SHTN1: variants seen among roughly 807,000 people sequenced by gnomAD.
SHTN1 encodes the protein shootin 1, also known as shootin-1.
A neutral mutation model predicts 83.1 loss-of-function variants in SHTN1; 42 were observed. The observed-to-expected ratio is 0.51, with a 90% CI of 0.39 to 0.65. The LOEUF (loss-of-function observed/expected upper bound fraction) is 0.65. Among genes scored for constraint, SHTN1 ranks in the 30% least tolerant of loss-of-function variants. The probability of loss-of-function intolerance (pLI) is 0.00; values close to 1 mark genes in which losing one functional copy is unlikely to be tolerated. For synonymous variants in SHTN1, 224 were observed against 247.7 expected (o/e 0.90, Z 0.90); for missense variants, 622 against 737.8 (o/e 0.84, Z 1.82).
rs1052671343 is a variant in SHTN1, at chr10:116,904,450, C to A, written c.1480+2177G>T. ...TTTGTTTCCTTCCTTTTTTTTTTTT[C>A]TTTTGCTTTGGCTATTAGGAAACTC... On this transcript the variant is annotated intron_variant, in intron 15 of 16. Transcript: ENST00000355371. 3.3e-5 allele frequency among the ~76,000 whole-genome samples: 4 copies of A among 120,860 alleles called. No homozygotes were observed. The South Asian group carries it at 1.0e-3, about 31-fold the overall frequency. 79.3% of individuals were successfully genotyped at this position (120,860 alleles called of 152,430 possible).
chr10:117,052,749 G>T (rs556765568), intron 1 of SHTN1, among the ~76,000 whole-genome samples: 2 of 151,950 alleles, frequency 1.3e-5, no homozygotes, highest in South Asian at 4.2e-4. Context: ...GCCGAGTGCG[G>T]TGGCTCACGC....
chr10:116,929,750 C>A, intron 10 of SHTN1, 99 bp downstream of exon 10: 1 of 674,974 alleles, frequency 1.5e-6, no homozygotes, highest in Non-Finnish European at 2.2e-6. Context: ...CCACAGCATT[C>A]AGTAAATGTT....
chr10:116,900,665 T>C, intron 16 of SHTN1: 1 of 1,487,396 alleles, frequency 6.7e-7, no homozygotes, highest in Non-Finnish European at 8.9e-7. Context: ...AGATTGTTGA[T>C]GTCAAATTAG....
At chr10:116,974,845 A>G (rs955013034) in intron 2 of SHTN1, among the ~76,000 whole-genome samples, 39 of 151,966 alleles carry the variant, frequency 2.6e-4, no homozygotes, top group Middle Eastern at 6.8e-3. Flanking sequence ...TAGGAAAAAA[A>G]CCCAAACGAT....
At chr10:116,936,558 C>A (rs886869216) in intron 9 of SHTN1, among the ~76,000 whole-genome samples, 2 of 152,146 alleles carry the variant, frequency 1.3e-5, no homozygotes, top group African/African-American at 4.8e-5. Context: ...CATTCTTCTG[C>A]ATTTGCCAAG....
chr10:117,053,421 GACAA>G (rs1222446968), intron 1 of SHTN1, among the ~76,000 whole-genome samples: 1 of 151,916 alleles, frequency 6.6e-6, no homozygotes, highest in Non-Finnish European at 1.5e-5. Flanking sequence ...ACAACAAAAA[GACAA>G]ACAACTCAAT....
chr10:116,907,786 T>C (rs1848031536), intron 14 of SHTN1: 1 of 466,324 alleles, frequency 2.1e-6, no homozygotes, highest in Non-Finnish European at 4.3e-6. Flanking sequence ...AAGTCTGGTA[T>C]AACTTGCCAG....
chr10:117,014,952 G>C (rs768537931), intron 2 of SHTN1, among the ~76,000 whole-genome samples: 1 of 152,212 alleles, frequency 6.6e-6, no homozygotes, highest in Non-Finnish European at 1.5e-5. Flanking sequence ...CAAAGTGATG[G>C]AAGAAGGGTT....
intron 2 of SHTN1, among the ~76,000 whole-genome samples, chr10:117,011,555 T>G (rs138583433): frequency 6.6e-6 from 1 of 152,330 alleles, no homozygotes; most frequent in Non-Finnish European, 1.5e-5. Flanking sequence ...AAACAAATAC[T>G]TGAGTTTAGT....
intron 1 of SHTN1, among the ~76,000 whole-genome samples, chr10:116,990,598 G>C (rs566274912): frequency 8.7e-4 from 132 of 152,106 alleles, no homozygotes; most frequent in Non-Finnish European, 1.4e-3. Context: ...GAAGAAACTG[G>C]ATCTTGAGGG....
intron 1 of SHTN1, among the ~76,000 whole-genome samples, chr10:117,060,283 G>C (rs1852881236): frequency 6.6e-6 from 1 of 152,006 alleles, no homozygotes; most frequent in Non-Finnish European, 1.5e-5. Context: ...TGTTATTTAT[G>C]CTAACACATA....
chr10:116,989,548 C>T (rs1193156543), intron 1 of SHTN1, among the ~76,000 whole-genome samples: 3 of 152,208 alleles, frequency 2.0e-5, no homozygotes, highest in African/African-American at 7.2e-5. Context: ...TCCTCCCCCT[C>T]GTTCCTGCCT....
chr10:116,916,865 T>G (rs1848401963), intron 12 of SHTN1, among the ~76,000 whole-genome samples: 3 of 152,210 alleles, frequency 2.0e-5, no homozygotes, highest in Non-Finnish European at 4.4e-5. Context: ...ATTGTCAACC[T>G]CAGAAGCCAT....
intron 16 of SHTN1, among the ~76,000 whole-genome samples, chr10:116,897,341 T>C (rs1029471727): frequency 3.9e-5 from 6 of 152,246 alleles, no homozygotes; most frequent in Non-Finnish European, 8.8e-5. Flanking sequence ...CTAGGAAATA[T>C]GTGCCTCTTA....
chr10:116,996,775 C>G (rs1468406619), intron 1 of SHTN1, among the ~76,000 whole-genome samples: 1 of 152,156 alleles, frequency 6.6e-6, no homozygotes, highest in East Asian at 1.9e-4. Context: ...AGTCTCAGGA[C>G]TAAGAGACTG....
upstream of SHTN1, among the ~76,000 whole-genome samples, chr10:117,008,138 T>A (rs1160121902): frequency 6.6e-6 from 1 of 151,966 alleles, no homozygotes; most frequent in East Asian, 1.9e-4. Context: ...AATATATACA[T>A]AGAGATAAAG....
chr10:117,091,583 T>C (rs919593745), intron 1 of SHTN1, among the ~76,000 whole-genome samples: 3 of 152,182 alleles, frequency 2.0e-5, no homozygotes, highest in South Asian at 2.1e-4. Context: ...GCCCAAAGAA[T>C]GCCAGCCCAT....
intron 9 of SHTN1, among the ~76,000 whole-genome samples, chr10:116,939,560 C>G (rs748943278): frequency 3.3e-5 from 5 of 152,206 alleles, no homozygotes; most frequent in Non-Finnish European, 7.3e-5. Context: ...CCGCCTTCTG[C>G]GTTGATCCCG....
chr10:117,052,620 C>G (rs1238282341), intron 1 of SHTN1, among the ~76,000 whole-genome samples: 1 of 151,980 alleles, frequency 6.6e-6, no homozygotes, highest in Non-Finnish European at 1.5e-5. Flanking sequence ...AAAAATAAAA[C>G]CATATGTCTA....
Sources: allele counts gnomAD v4.1 joint callset (sites outside exome capture counted in the v4.1 genomes callset), GRCh38; gene constraint gnomAD v4.1.1; transcripts MANE v1.5; gene names NCBI Gene and HGNC (gene_info 2026-07-23, HGNC 2026-07-21).